Variants in KCNQ1 observed in about 807,000 individuals in gnomAD.
KCNQ1 encodes potassium voltage-gated channel subfamily Q member 1, also known as potassium voltage-gated channel subfamily KQT member 1.
A neutral mutation model predicts 72.4 loss-of-function variants in KCNQ1; 49 were observed. The observed-to-expected ratio is 0.68, with a 90% confidence interval of 0.54 to 0.86. The LOEUF (loss-of-function observed/expected upper bound fraction) is 0.86, where lower values mean the gene tolerates loss of function less well. KCNQ1 is among the 40% of genes least tolerant of loss of function. The pLI, the probability that KCNQ1 is intolerant of heterozygous loss-of-function variation, is 0.00. For synonymous variants in KCNQ1, 450 were observed against 412.6 expected, an observed-to-expected ratio of 1.09 and a Z score of -1.10; for missense variants, 790 against 945.1, an observed-to-expected ratio of 0.84 and a Z score of 2.15.
intron 2 of KCNQ1, among the ~76,000 whole-genome samples, chr11:2,546,192 T>A (rs1847900582): frequency 6.6e-6 from 1 of 152,208 alleles, no homozygotes; most frequent in South Asian, 2.1e-4. Flanking sequence ...ATTTCCTTTT[T>A]AACTTCTTCT....
At chr11:2,801,011 A>G (rs1472736944) in intron 15 of KCNQ1, among the ~76,000 whole-genome samples, 1 of 152,084 alleles carries the variant, frequency 6.6e-6, no homozygotes, top group Non-Finnish European at 1.5e-5. Context: ...GACACTGGTA[A>G]TGGGAGGTGC....
chr11:2,545,511 T>A (rs1035843423), intron 2 of KCNQ1, among the ~76,000 whole-genome samples: 1 of 152,190 alleles, frequency 6.6e-6, no homozygotes, highest in Non-Finnish European at 1.5e-5. Flanking sequence ...ATAATTATAT[T>A]CAGGTAATTG....
At position 2,676,310 on chromosome 11, in the gene KCNQ1, G is replaced by A. The variant is rs1421700277; in HGVS notation, c.1514+14229G>A. 3.0e-5 allele frequency: 12 copies of A among 398,536 alleles called. No individual in the cohort carries two copies. The highest frequency in any genetic ancestry group is 6.2e-4 in the Middle Eastern group (1 of 1,610). 24.7% of individuals were successfully genotyped at this position (398,536 alleles called of 1,614,324 possible). ...TATACAGACACACGTGTGAACAGGT[G>A]ATGGCTCTGAACAGTGTAGTTGAAG... On this transcript the variant is annotated intron_variant, in intron 11 of 15. Transcript: ENST00000155840. This position sits in a 1 kb window ranked among gnomAD's most constrained non-coding sequence, Gnocchi z 4.2.
At chr11:2,572,312 G>T (rs1187994055) in intron 5 of KCNQ1, among the ~76,000 whole-genome samples, 1 of 152,212 alleles carries the variant, frequency 6.6e-6, no homozygotes, top group Non-Finnish European at 1.5e-5. Context: ...CCAGCCTGGT[G>T]CCAGTGACCC....
intron 1 of KCNQ1, among the ~76,000 whole-genome samples, chr11:2,496,512 T>TTTTTTTTTTTTTTTTTTTC (rs1399171684): frequency 8.1e-6 from 1 of 124,188 alleles, no homozygotes; most frequent in African/African-American, 2.9e-5. Context: ...TTTTTTTTTT[T>TTTTTTTTTTTTTTTTTTTC]TTTTTTTTGC....
At chr11:2,689,796 A>T in intron 11 of KCNQ1, 1 of 398,712 alleles carries the variant, frequency 2.5e-6, no homozygotes, top group Admixed American at 4.4e-5. Flanking sequence ...GAGGGGAAGC[A>T]CTGCGTTCTC....
In KCNQ1 at chr11:2,544,890, A is replaced by G. The variant is rs980498644; in HGVS notation, c.477+16872A>G. ...TGCTGTGTCCCCAGCCTTAGAAGAC[A>G]CACATCATTGTTCACCGTCAAGGGT... On this transcript the variant is annotated intron_variant, in intron 2 of 15. Coordinates refer to ENST00000155840, the MANE Select transcript of KCNQ1 (RefSeq NM_000218.3). The surrounding 1 kb of genome is among the most constrained non-coding windows in gnomAD (Gnocchi z 4.4). Among the ~76,000 whole-genome samples the G allele has an allele frequency of 6.6e-6, 1 of 152,230 alleles. No homozygotes were observed. Among genetic ancestry groups the G allele is most frequent in the Admixed American group, 6.5e-5 (1 of 15,290 alleles).
Position 2,808,242 on chromosome 11 carries a change from C to G in KCNQ1, c.1794+30205C>G, listed in dbSNP as rs2134035937. ...GCTGGCCCGCCTTCCAGCCCTCCCC[C>G]AGCACCCACCAAGCCCCTGCGATAT... is the stretch of plus-strand genomic sequence containing the variant. On this transcript the variant is annotated intron_variant, in intron 15 of 15. Coordinates refer to ENST00000155840, the MANE Select transcript of KCNQ1 (RefSeq NM_000218.3). This position sits in a 1 kb window ranked among gnomAD's most constrained non-coding sequence, Gnocchi z 6.0. Among the ~76,000 whole-genome samples the G allele has an allele frequency of 6.6e-6, 1 of 152,380 alleles. No homozygotes were observed. The highest frequency in any genetic ancestry group is 2.1e-4 in the South Asian group (1 of 4,832).
At position 2,768,754 on chromosome 11, in the gene KCNQ1, T is replaced by C. The variant is rs1345113837; in HGVS notation, c.1515-90T>C. The C allele has an allele frequency of 8.4e-6, 8 of 957,342 alleles. No homozygotes were observed. Among genetic ancestry groups the C allele is most frequent in the East Asian group, 4.8e-5 (2 of 41,688 alleles). 59.3% of individuals were successfully genotyped at this position (957,342 alleles called of 1,614,324 possible). A position where few individuals can be genotyped will look rare whatever the true frequency, so the allele number is the denominator to read the frequency against. ...TCTCCTTGTTTCTGGAAGGATCCAG[T>C]CTGCGTGCTCCTCAGGCAGTGCAGG... On this transcript the variant is annotated intron_variant, in intron 11 of 15. Coordinates refer to ENST00000155840, the MANE Select transcript of KCNQ1 (RefSeq NM_000218.3). The surrounding 1 kb of genome is among the most constrained non-coding windows in gnomAD (Gnocchi z 6.7).
At chr11:2,583,034 C>G (rs1848526573) in intron 6 of KCNQ1, among the ~76,000 whole-genome samples, 2 of 152,160 alleles carry the variant, frequency 1.3e-5, no homozygotes, top group Non-Finnish European at 2.9e-5. Flanking sequence ...TGTTGACGAC[C>G]AGCCTCAGTG....
At chr11:2,739,520 C>A (rs1846015425) in intron 11 of KCNQ1, among the ~76,000 whole-genome samples, 1 of 152,240 alleles carries the variant, frequency 6.6e-6, no homozygotes, top group Non-Finnish European at 1.5e-5. Flanking sequence ...CGTAGAACAA[C>A]ATTACTCTAA....
In KCNQ1 at chr11:2,690,650, T is replaced by C; in HGVS notation, c.1514+28569T>C. Reference sequence around the variant, plus strand: ...ATGTGTCAGAATGCGTATTTGTCAGTGTATGTGTGTCAGTGCACATAGGTA... The same window carrying C: ...ATGTGTCAGAATGCGTATTTGTCAGCGTATGTGTGTCAGTGCACATAGGTA... On this transcript the variant is annotated intron_variant, in intron 11 of 15. Coordinates refer to ENST00000155840, the MANE Select transcript of KCNQ1 (RefSeq NM_000218.3). The surrounding 1 kb of genome is among the most constrained non-coding windows in gnomAD (Gnocchi z 5.1). The C allele has an allele frequency of 2.5e-6, 1 of 398,646 alleles. No individual in the cohort carries two copies. Among genetic ancestry groups the C allele is most frequent in the Admixed American group, 4.4e-5 (1 of 22,740 alleles). The allele number at this position is 398,646 out of a possible 1,614,324, so 24.7% of individuals were successfully genotyped here. A position where few individuals can be genotyped will look rare whatever the true frequency, so the allele number is the denominator to read the frequency against.
rs534330680 is a variant in KCNQ1 at position 2,817,448 on chromosome 11, C to T, written c.1795-30319C>T. The stretch of plus-strand genomic sequence containing the variant: ...CCCTTAGGATGAAGCTGACCCCAGT[C>T]GTGGCAGCCACCCCAGCAGTCAGGG... On this transcript the variant is annotated intron_variant, in intron 15 of 15. Coordinates refer to ENST00000155840, the MANE Select transcript of KCNQ1 (RefSeq NM_000218.3). The surrounding 1 kb of genome is among the most constrained non-coding windows in gnomAD (Gnocchi z 6.1). 1.3e-5 allele frequency among the ~76,000 whole-genome samples: 2 copies of T among 152,218 alleles called. No homozygotes were observed. Among genetic ancestry groups the T allele is most frequent in the East Asian group, 1.9e-4 (1 of 5,166 alleles).
At chr11:2,459,305 G>C (rs1846240792) in intron 1 of KCNQ1, among the ~76,000 whole-genome samples, 1 of 152,184 alleles carries the variant, frequency 6.6e-6, no homozygotes, top group Admixed American at 6.5e-5. Context: ...GCCTGGAGCT[G>C]GGCAGAGACA....
intron 11 of KCNQ1, among the ~76,000 whole-genome samples, chr11:2,739,003 C>T (rs1360199788): frequency 6.6e-6 from 1 of 152,228 alleles, no homozygotes; most frequent in African/African-American, 2.4e-5. Flanking sequence ...CAGGGGTCTG[C>T]AGAGGATGGC....
chr11:2,718,397 C>T (rs901642201), intron 11 of KCNQ1, among the ~76,000 whole-genome samples: 3 of 152,204 alleles, frequency 2.0e-5, no homozygotes, highest in East Asian at 1.9e-4. Context: ...CTCCTGAAGC[C>T]GGAACTTGAT....
chr11:2,811,631 C>T (rs562101357), intron 15 of KCNQ1, among the ~76,000 whole-genome samples: 11 of 152,198 alleles, frequency 7.2e-5, no homozygotes, highest in African/African-American at 1.9e-4. Context: ...TTCTGGGCTG[C>T]GGTCTAGGGC....
At chr11:2,596,187 T>C (rs942537201) in intron 10 of KCNQ1, among the ~76,000 whole-genome samples, 2 of 152,216 alleles carry the variant, frequency 1.3e-5, no homozygotes, top group Admixed American at 6.5e-5. Context: ...TACCAAGTGT[T>C]GGTAAAGATG....
At chr11:2,467,544 G>A (rs922954085) in intron 1 of KCNQ1, among the ~76,000 whole-genome samples, 3 of 152,196 alleles carry the variant, frequency 2.0e-5, no homozygotes, top group Non-Finnish European at 2.9e-5. Flanking sequence ...ACCACAATCC[G>A]AGTCACATGG....
Sources: gnomAD v4.1 joint callset for allele counts (sites outside exome capture counted in the v4.1 genomes callset) on GRCh38, gnomAD v4.1.1 for gene constraint, Gnocchi (gnomAD v3.1) non-coding constraint, MANE v1.5 for transcripts, NCBI Gene and HGNC (gene_info 2026-07-23, HGNC 2026-07-21) for gene names.